Variants in CSMD1 observed in about 807,000 individuals in gnomAD.
CSMD1 encodes the protein CUB and sushi domain-containing protein 1.
Under a neutral mutation model 417.5 loss-of-function variants are expected in CSMD1, and 213 were observed. The observed-to-expected ratio is 0.51, with a 90% CI of 0.46 to 0.57. The LOEUF is 0.57. Ranked by LOEUF, CSMD1 falls within the 20% of genes least tolerant of loss-of-function variation. The probability of loss-of-function intolerance (pLI) is 0.00; values close to 1 mark genes in which losing one functional copy is unlikely to be tolerated. For missense variants in CSMD1, 6,923 were observed against 4,529.7 expected (o/e 1.53, Z -15.17); for synonymous variants, 2,862 against 1,736.8 (o/e 1.65, Z -16.11).
At chr8:3,298,919 T>C (rs1018537034) in intron 25 of CSMD1, among the ~76,000 whole-genome samples, 23 of 152,304 alleles carry the variant, frequency 1.5e-4, no homozygotes, top group African/African-American at 5.5e-4. Context: ...GTTTCTTTTG[T>C]GAACAAGCCA....
At chr8:4,480,007 T>G (rs1184973028) in intron 2 of CSMD1, among the ~76,000 whole-genome samples, 1 of 151,226 alleles carries the variant, frequency 6.6e-6, no homozygotes, top group Non-Finnish European at 1.5e-5. Flanking sequence ...AAAAGCAAAC[T>G]GGATAAAGCA....
At chr8:4,387,883 A>G (rs1308236637) in intron 3 of CSMD1, among the ~76,000 whole-genome samples, 4 of 152,124 alleles carry the variant, frequency 2.6e-5, no homozygotes, top group Admixed American at 1.3e-4. Flanking sequence ...CTTATTCCAA[A>G]TCGTATCTGC....
At chr8:3,845,380 T>A (rs1158563008) in intron 5 of CSMD1, among the ~76,000 whole-genome samples, 1 of 152,206 alleles carries the variant, frequency 6.6e-6, no homozygotes, top group East Asian at 1.9e-4. Context: ...TGCATGGGAC[T>A]GCCCTGAATA....
At chr8:4,196,883 G>A (rs930205617) in intron 3 of CSMD1, among the ~76,000 whole-genome samples, 2 of 152,102 alleles carry the variant, frequency 1.3e-5, no homozygotes, top group South Asian at 2.1e-4. Flanking sequence ...TGAAAGTTCC[G>A]CCATCTTCAT....
chr8:4,032,343 T>A (rs79812690), intron 3 of CSMD1, among the ~76,000 whole-genome samples: 3 of 152,066 alleles, frequency 2.0e-5, no homozygotes, highest in Non-Finnish European at 4.4e-5. Flanking sequence ...GAGAGAAAAA[T>A]ATAGTCCTGC....
chr8:3,706,959 C>G (rs763380795), intron 7 of CSMD1, among the ~76,000 whole-genome samples: 4 of 151,922 alleles, frequency 2.6e-5, no homozygotes, highest in Non-Finnish European at 2.9e-5. Context: ...TGTGATTATT[C>G]AATAGAAAGT....
At position 4,266,817 on chromosome 8, in the gene CSMD1, T is replaced by A. The variant is rs1421761043; in HGVS notation, c.415+153136A>T. Reference sequence around the variant, plus strand: ...TGAAAACTTAAATAGTGGATTGTGATGACTTTTCATTTACTGCAAAAATAA... The same window carrying A: ...TGAAAACTTAAATAGTGGATTGTGAAGACTTTTCATTTACTGCAAAAATAA... On this transcript the variant is annotated intron_variant, in intron 3 of 69. Transcript: ENST00000635120. 3.8e-5 allele frequency among the ~76,000 whole-genome samples: 4 copies of A among 104,634 alleles called. 1 individual carries two copies. The highest frequency in any genetic ancestry group is 1.0e-4 in the Non-Finnish European group (4 of 38,842). 68.6% of individuals were successfully genotyped at this position (104,634 alleles called of 152,430 possible).
At chr8:4,426,808 T>C (rs6558878) in intron 2 of CSMD1, among the ~76,000 whole-genome samples, 25,460 of 149,354 alleles carry the variant, frequency 0.17, 2,282 homozygotes, top group South Asian at 0.28. Flanking sequence ...AAATATAGTA[T>C]GTAATATTAC....
intron 1 of CSMD1, among the ~76,000 whole-genome samples, chr8:4,912,226 G>T (rs1805737065): frequency 6.6e-6 from 1 of 151,954 alleles, no homozygotes. Flanking sequence ...GTGGAGACCT[G>T]CTTCCAGAGC....
At chr8:3,087,494 C>T (rs1024167942) in intron 48 of CSMD1, among the ~76,000 whole-genome samples, 2 of 152,172 alleles carry the variant, frequency 1.3e-5, no homozygotes, top group Non-Finnish European at 2.9e-5. Context: ...TGATCTGCAG[C>T]TCTGAGTCAA....
At chr8:4,369,524 A>C (rs573275116) in intron 3 of CSMD1, among the ~76,000 whole-genome samples, 2 of 152,144 alleles carry the variant, frequency 1.3e-5, no homozygotes, top group Non-Finnish European at 2.9e-5. Context: ...GATTTGTCTA[A>C]CACCGTCAGT....
At chr8:4,930,256 A>T (rs1807158202) in intron 1 of CSMD1, among the ~76,000 whole-genome samples, 1 of 152,194 alleles carries the variant, frequency 6.6e-6, no homozygotes, top group Non-Finnish European at 1.5e-5. Context: ...CTAATCACAC[A>T]AATATTAAAA....
chr8:4,178,717 G>A (rs2460374), intron 3 of CSMD1, among the ~76,000 whole-genome samples: 6,002 of 152,288 alleles, frequency 0.039, 356 homozygotes, highest in African/African-American at 0.12. Context: ...TAAGCTGATA[G>A]GCAACTTCAG....
intron 14 of CSMD1, 147 bp downstream of exon 14, chr8:3,407,752 C>G: frequency 1.3e-6 from 1 of 748,550 alleles, no homozygotes; most frequent in East Asian, 2.7e-5. Flanking sequence ...CAGGATAACA[C>G]TATAATTTTA....
intron 68 of CSMD1, among the ~76,000 whole-genome samples, chr8:2,947,754 A>C (rs1395512992): frequency 6.6e-5 from 10 of 152,286 alleles, no homozygotes; most frequent in East Asian, 1.9e-4. Context: ...AGCAAGAGAA[A>C]AAACATCACC....
chr8:3,124,114 G>A (rs768276264), intron 41 of CSMD1, among the ~76,000 whole-genome samples: 9 of 151,734 alleles, frequency 5.9e-5, no homozygotes, highest in Non-Finnish European at 1.3e-4. Context: ...TTTTCTCAAT[G>A]GCAACAAAAC....
intron 12 of CSMD1, among the ~76,000 whole-genome samples, chr8:3,429,191 G>A (rs750048378): frequency 6.6e-6 from 1 of 151,916 alleles, no homozygotes; most frequent in Non-Finnish European, 1.5e-5. Context: ...GATTTTCAAT[G>A]TTTTTACCGT....
intron 7 of CSMD1, among the ~76,000 whole-genome samples, chr8:3,630,408 A>G (rs1796720156): frequency 6.6e-6 from 1 of 152,252 alleles, no homozygotes; most frequent in African/African-American, 2.4e-5. Flanking sequence ...CAAAGATCCG[A>G]AAAAAGATGA....
intron 3 of CSMD1, among the ~76,000 whole-genome samples, chr8:4,103,210 A>AAT (rs1310476161): frequency 1.3e-5 from 2 of 151,708 alleles, no homozygotes; most frequent in African/African-American, 4.8e-5. Context: ...CAAAAAGGTA[A>AAT]ATATATATAA....
Sources: gnomAD v4.1 joint callset for allele counts (sites outside exome capture counted in the v4.1 genomes callset) on GRCh38, gnomAD v4.1.1 for gene constraint, MANE v1.5 for transcripts, NCBI Gene and HGNC (gene_info 2026-07-23, HGNC 2026-07-21) for gene names.